Variants in LRRIQ1 observed in about 807,000 individuals in gnomAD.
LRRIQ1 encodes the protein leucine rich repeats and IQ motif containing 1, also known as leucine-rich repeat- and IQ domain-containing protein 1.
In LRRIQ1, 210 loss-of-function variants were observed where a neutral mutation model predicts 211.9. The ratio of observed to expected loss-of-function variants is 0.99; its 90% CI spans 0.89 to 1.11. The LOEUF (loss-of-function observed/expected upper bound fraction) is 1.11, where lower values mean the gene tolerates loss of function less well. Ranked by LOEUF, LRRIQ1 falls within the 50% of genes most tolerant of loss-of-function variation. The pLI is 0.00. For missense variants in LRRIQ1, 2,136 were observed against 1,939.5 expected (o/e 1.10, Z -1.90); for synonymous variants, 699 against 650.1 (o/e 1.08, Z -1.14).
intron 24 of LRRIQ1, among the ~76,000 whole-genome samples, chr12:85,172,736 T>C (rs766319341): frequency 6.6e-6 from 1 of 152,046 alleles, no homozygotes; most frequent in Non-Finnish European, 1.5e-5. Flanking sequence ...AATGGGAAAA[T>C]ATGAGATCTG....
intron 10 of LRRIQ1, among the ~76,000 whole-genome samples, 195 bp from the exon 11 acceptor site, chr12:85,072,712 A>G (rs1404149105): frequency 6.6e-6 from 1 of 150,604 alleles, no homozygotes; most frequent in East Asian, 2.0e-4. Flanking sequence ...GTTTATTTTT[A>G]TTTTTGTTTG....
At chr12:85,264,724 A>T (rs1371842692), downstream of LRRIQ1, among the ~76,000 whole-genome samples, 1 of 152,112 alleles carries the variant, frequency 6.6e-6, no homozygotes, top group Admixed American at 6.6e-5. Context: ...AGGTAAAAAT[A>T]TGAGCCTTTC....
chr12:85,140,810 AATG>A (rs1018260919), intron 19 of LRRIQ1, among the ~76,000 whole-genome samples: 1 of 151,194 alleles, frequency 6.6e-6, no homozygotes, highest in Non-Finnish European at 1.5e-5. Context: ...TGCTACTGAT[AATG>A]ATGATGATGG....
chr12:85,220,581 T>C (rs1592988960), intron 24 of LRRIQ1, among the ~76,000 whole-genome samples: 1 of 151,398 alleles, frequency 6.6e-6, no homozygotes, highest in East Asian at 1.9e-4. Context: ...AGTAATTTTA[T>C]ATGAATGAGT....
In LRRIQ1 at chr12:85,072,835, A is replaced by G. The variant is rs367643692; in HGVS notation, c.2696-72A>G. 6.8e-5 allele frequency: 73 copies of G among 1,069,232 alleles called. No homozygotes were observed. The East Asian group carries it at 1.2e-3, about 18-fold the overall frequency. 66.2% of individuals were successfully genotyped at this position (1,069,232 alleles called of 1,614,324 possible). A position where few individuals can be genotyped will look rare whatever the true frequency, so the allele number is the denominator to read the frequency against. On this transcript the variant is annotated intron_variant, in intron 10 of 26. Transcript: ENST00000393217. Reference sequence around the variant, plus strand: ...TGCTCCAGGTTTAAATTTTTTTCTCATATAAGCTATAACCACTTGCATTTA... The same window carrying G: ...TGCTCCAGGTTTAAATTTTTTTCTCGTATAAGCTATAACCACTTGCATTTA...
At chr12:85,116,500 C>T (rs1273555999) in intron 15 of LRRIQ1, among the ~76,000 whole-genome samples, 8 of 151,626 alleles carry the variant, frequency 5.3e-5, no homozygotes. Context: ...TAAAGCTTAC[C>T]CCAACCTATC....
chr12:85,140,268 C>A (rs1293433730), intron 19 of LRRIQ1, among the ~76,000 whole-genome samples: 1 of 151,284 alleles, frequency 6.6e-6, no homozygotes, highest in Non-Finnish European at 1.5e-5. Flanking sequence ...AATAAGAAGT[C>A]AGTTTCTCTT....
At chr12:85,212,942 TA>T (rs1029932604) in intron 24 of LRRIQ1, among the ~76,000 whole-genome samples, 32 of 143,140 alleles carry the variant, frequency 2.2e-4, no homozygotes, top group Admixed American at 2.1e-4. Context: ...GTCAAGAAAG[TA>T]AAAAAAAAAT....
intron 18 of LRRIQ1, among the ~76,000 whole-genome samples, 165 bp downstream of exon 18, chr12:85,128,198 C>T (rs998157549): frequency 2.0e-5 from 3 of 152,166 alleles, no homozygotes; most frequent in African/African-American, 4.8e-5. Context: ...AGGTTAGCTG[C>T]GGGTTGGCTG....
intron 15 of LRRIQ1, among the ~76,000 whole-genome samples, chr12:85,119,996 C>T (rs1349863792): frequency 6.6e-6 from 1 of 152,096 alleles, no homozygotes; most frequent in Non-Finnish European, 1.5e-5. Context: ...GTCTTTCATA[C>T]AGTAGAAAAT....
chr12:85,098,645 TTTG>T (rs1183173555), intron 12 of LRRIQ1, 97 bp downstream of exon 12: 1 of 1,013,852 alleles, frequency 9.9e-7, no homozygotes, highest in African/African-American at 1.6e-5. Flanking sequence ...GAATAATTAT[TTTG>T]TTCATTTTTC....
intron 24 of LRRIQ1, among the ~76,000 whole-genome samples, chr12:85,166,713 T>C (rs1169707252): frequency 6.6e-6 from 1 of 152,196 alleles, no homozygotes; most frequent in African/African-American, 2.4e-5. Context: ...CCACAGGGCA[T>C]ATGCAGGCAA....
chr12:85,056,153 C>T lies in LRRIQ1; in HGVS notation c.1360C>T (p.Gln454Ter), dbSNP rs1406383125. ...ESNMKENVDR[Q>*]TILKESIQVK... ...AAATATGAAAGAAAATGTAGATAGA[C>T]AGACTATATTAAAAGAATCAATACA... The change falls in exon 8 of 27, where the codon CAG becomes TAG. Residue 454 changes from glutamine (Q) to a stop codon, truncating the protein, a stop_gained. Transcript: ENST00000393217. LOFTEE classifies it high-confidence loss of function. 6.3e-7 allele frequency: 1 copy of T among 1,597,194 alleles called. No homozygotes were observed. The highest frequency in any genetic ancestry group is 1.4e-5 in the African/African-American group (1 of 73,784).
At chr12:85,073,217 A>G (rs1381736166) in intron 11 of LRRIQ1, 119 bp downstream of exon 11, 12 of 614,622 alleles carry the variant, frequency 2.0e-5, no homozygotes, top group Non-Finnish European at 2.7e-5. Context: ...TAGGTAAAAT[A>G]TAGCTGTTTT....
chr12:85,257,000 TA>T (rs1428908580), intron 1 of LRRIQ1, among the ~76,000 whole-genome samples: 2 of 119,228 alleles, frequency 1.7e-5, no homozygotes, highest in East Asian at 4.9e-4. Context: ...AGAAGATAAT[TA>T]GAGGCTGAAA....
chr12:85,080,969 T>G (rs1039601832), intron 11 of LRRIQ1, among the ~76,000 whole-genome samples: 3 of 152,168 alleles, frequency 2.0e-5, no homozygotes, highest in Admixed American at 6.6e-5. Context: ...CTAGAGGTCC[T>G]TAGTTTTTAC....
intron 1 of LRRIQ1, among the ~76,000 whole-genome samples, chr12:85,262,726 T>G (rs1380417154): frequency 2.0e-5 from 3 of 152,064 alleles, no homozygotes; most frequent in Non-Finnish European, 4.4e-5. Context: ...CTAAACACAT[T>G]TTATACCAAT....
intron 19 of LRRIQ1, among the ~76,000 whole-genome samples, chr12:85,141,717 C>A (rs1016948083): frequency 2.7e-5 from 4 of 148,822 alleles, no homozygotes; most frequent in African/African-American, 9.9e-5. Context: ...ATATTTTATT[C>A]TGGCATTATT....
At chr12:85,199,455 C>T (rs913096733) in intron 24 of LRRIQ1, among the ~76,000 whole-genome samples, 1 of 152,082 alleles carries the variant, frequency 6.6e-6, no homozygotes, top group Admixed American at 6.6e-5. Flanking sequence ...CTATTTGGCC[C>T]CATTGGTCTG....
Sources: gnomAD v4.1 joint callset for allele counts (sites outside exome capture counted in the v4.1 genomes callset) on GRCh38, gnomAD v4.1.1 for gene constraint, MANE v1.5 for transcripts, NCBI Gene and HGNC (gene_info 2026-07-23, HGNC 2026-07-21) for gene names.